Variants in CHL1 observed in about 807,000 individuals in gnomAD.
The protein encoded by CHL1 is cell adhesion molecule L1 like.
In CHL1, 96 loss-of-function variants were observed where a neutral mutation model predicts 141.9. The observed-to-expected ratio is 0.68, with a 90% CI of 0.57 to 0.80. The LOEUF (loss-of-function observed/expected upper bound fraction) is 0.80. CHL1 is among the 30% of genes least tolerant of loss of function. CHL1 has a pLI of 0.00. For missense variants in CHL1, 1,820 were observed against 1,457.2 expected, an observed-to-expected ratio of 1.25 and a Z score of -4.05; for synonymous variants, 613 against 502.2, an observed-to-expected ratio of 1.22 and a Z score of -2.95.
chr3:341,415 G>A (rs1472358759), intron 6 of CHL1, among the ~76,000 whole-genome samples: 1 of 152,162 alleles, frequency 6.6e-6, no homozygotes, highest in African/African-American at 2.4e-5. Flanking sequence ...CTTAGGTACA[G>A]CCAATTGTTC....
At chr3:287,877 T>C (rs138419770) in intron 2 of CHL1, among the ~76,000 whole-genome samples, 2 of 152,286 alleles carry the variant, frequency 1.3e-5, no homozygotes, top group African/African-American at 4.8e-5. Flanking sequence ...GCGATTCTCC[T>C]GCCTCAGCCT....
At chr3:397,678 A>T (rs1708788978) in intron 24 of CHL1, among the ~76,000 whole-genome samples, 1 of 152,098 alleles carries the variant, frequency 6.6e-6, no homozygotes, top group Non-Finnish European at 1.5e-5. Context: ...ACCACTTTCA[A>T]AATGTCAGTA....
At chr3:398,090 ATCTCCTG>A in intron 24 of CHL1, 130 bp from the exon 25 acceptor site, 1 of 474,050 alleles carries the variant, frequency 2.1e-6, no homozygotes, top group Non-Finnish European at 3.7e-6. Context: ...GATTTTCTTG[ATCTCCTG>A]GTAATTCAAA....
At chr3:401,595 T>C (rs963839548) in intron 26 of CHL1, 31 bp from the exon 27 acceptor site, 2 of 1,320,718 alleles carry the variant, frequency 1.5e-6, no homozygotes, top group Non-Finnish European at 2.2e-6. Flanking sequence ...GGTCACTGTA[T>C]TACTTTTCCC....
chr3:358,888 A>G (rs539183622), intron 11 of CHL1, among the ~76,000 whole-genome samples: 2 of 151,046 alleles, frequency 1.3e-5, no homozygotes, highest in African/African-American at 4.9e-5. Flanking sequence ...CTTTAAACTA[A>G]AAATTTTTGC....
chr3:337,254 A>C (rs1334198293), intron 5 of CHL1, among the ~76,000 whole-genome samples: 18 of 142,636 alleles, frequency 1.3e-4, no homozygotes, highest in Admixed American at 1.2e-3. Flanking sequence ...GCAGTGGCAC[A>C]ATCTCTGCTC....
At chr3:265,311 A>G (rs1695059586) in intron 2 of CHL1, among the ~76,000 whole-genome samples, 1 of 152,200 alleles carries the variant, frequency 6.6e-6, no homozygotes, top group Non-Finnish European at 1.5e-5. Flanking sequence ...TATATGATTA[A>G]ATCAGAAGAT....
At chr3:284,383 C>T (rs1057398715) in intron 2 of CHL1, among the ~76,000 whole-genome samples, 7 of 152,226 alleles carry the variant, frequency 4.6e-5, no homozygotes, top group African/African-American at 1.7e-4. Context: ...AAAGGATGAT[C>T]ATTTGGTGGC....
At position 390,706 on chromosome 3, in the gene CHL1, G is replaced by T; in HGVS notation, c.2476G>T (p.Asp826Tyr). 6.4e-7 allele frequency: 1 copy of T among 1,557,688 alleles called. No individual in the cohort carries two copies. The highest frequency in any genetic ancestry group is 1.1e-5 in the South Asian group (1 of 89,722). ...CAATCTTCTATGATTAACAGATCCT[G>T]ATACAGCTCCAGTGATCCATGGGGT... ...VTLYSGEDYP[D>Y]TAPVIHGVDV... Residue 826 changes from aspartate (D) to tyrosine (Y), a missense_variant, in exon 21 of 28, where the codon GAT becomes TAT. Coordinates refer to ENST00000256509, the MANE Select transcript of CHL1 (RefSeq NM_006614.4).
chr3:205,869 A>G (rs889001963), intron 1 of CHL1, among the ~76,000 whole-genome samples: 5 of 152,222 alleles, frequency 3.3e-5, no homozygotes, highest in African/African-American at 7.2e-5. Context: ...ATAACACCCA[A>G]TGTAAGCTGG....
chr3:225,239 AC>A (rs1349881293), intron 1 of CHL1, among the ~76,000 whole-genome samples: 1 of 152,196 alleles, frequency 6.6e-6, no homozygotes, highest in Non-Finnish European at 1.5e-5. Flanking sequence ...AGTATGTAAC[AC>A]GTTTTCTGTT....
intron 27 of CHL1, among the ~76,000 whole-genome samples, chr3:402,946 A>G (rs142379813): frequency 1.3e-3 from 198 of 152,310 alleles, no homozygotes; most frequent in Non-Finnish European, 2.5e-3. Context: ...TATTATTTCA[A>G]TGTCCTCATA....
intron 2 of CHL1, among the ~76,000 whole-genome samples, chr3:262,918 C>G (rs980179085): frequency 1.3e-5 from 2 of 152,210 alleles, no homozygotes; most frequent in African/African-American, 4.8e-5. Flanking sequence ...TTTCCTTCCT[C>G]CCATTCAACT....
intron 2 of CHL1, among the ~76,000 whole-genome samples, chr3:315,238 C>T (rs997020010): frequency 2.6e-5 from 4 of 152,140 alleles, no homozygotes; most frequent in African/African-American, 9.7e-5. Context: ...GCAACTATCA[C>T]CCCAGTTTGT....
At chr3:337,254 A>T (rs1334198293) in intron 5 of CHL1, among the ~76,000 whole-genome samples, 1 of 142,644 alleles carries the variant, frequency 7.0e-6, no homozygotes, top group Non-Finnish European at 1.5e-5. Flanking sequence ...GCAGTGGCAC[A>T]ATCTCTGCTC....
intron 26 of CHL1, among the ~76,000 whole-genome samples, chr3:400,673 C>G (rs909871603): frequency 4.0e-5 from 6 of 148,660 alleles, no homozygotes; most frequent in Non-Finnish European, 1.5e-5. Flanking sequence ...ATAGTGGTGG[C>G]TGCCTGAAAT....
chr3:337,887 C>G (rs542666519), intron 5 of CHL1, among the ~76,000 whole-genome samples: 1 of 152,242 alleles, frequency 6.6e-6, no homozygotes, highest in East Asian at 1.9e-4. Context: ...GGTATATACC[C>G]AGTAATGGGA....
intron 2 of CHL1, among the ~76,000 whole-genome samples, chr3:270,506 G>T (rs187545323): frequency 4.7e-4 from 71 of 152,288 alleles, no homozygotes; most frequent in African/African-American, 1.6e-3. Context: ...AGGCAGAAAG[G>T]GCAGGGGATC....
Position 398,227 on chromosome 3 carries a change from G to A in CHL1, c.3095G>A (p.Ser1032Asn). Reference protein sequence around the residue: ...TEESSTLGEGSKGIGKISGVN... With the variant: ...TEESSTLGEGNKGIGKISGVN... Reference sequence around the variant, plus strand: ...TGATTTAACTGTGTACATTTCTTAGGTAAAGGTATCGGGAAGATATCAGGA... The same window carrying A: ...TGATTTAACTGTGTACATTTCTTAGATAAAGGTATCGGGAAGATATCAGGA... Residue 1032 changes from serine to asparagine, a missense_variant and splice_region_variant, in exon 25 of 28, where the codon AGT becomes AAT. By Grantham distance (46) the Ser-to-Asn change is conservative. Coordinates refer to ENST00000256509, the MANE Select transcript of CHL1 (RefSeq NM_006614.4). 6.3e-7 allele frequency: 1 copy of A among 1,583,852 alleles called. No homozygotes were observed. The highest frequency in any genetic ancestry group is 2.3e-5 in the East Asian group (1 of 44,206).
Sources: allele counts gnomAD v4.1 joint callset (sites outside exome capture counted in the v4.1 genomes callset), GRCh38; gene constraint gnomAD v4.1.1; transcripts MANE v1.5; gene names NCBI Gene and HGNC (gene_info 2026-07-23, HGNC 2026-07-21).